SLC16A7: variants seen among roughly 807,000 people sequenced by gnomAD.
SLC16A7 encodes the protein monocarboxylate transporter 2.
SLC16A7 carries 33 observed loss-of-function variants against 34.9 expected under a neutral mutation model. The ratio of observed to expected loss-of-function variants is 0.94; its 90% confidence interval spans 0.72 to 1.26. SLC16A7 has a LOEUF of 1.26. Among genes scored for constraint, SLC16A7 ranks in the 50% most tolerant of loss-of-function variants. SLC16A7 has a pLI of 0.00. For synonymous variants in SLC16A7, 201 were observed against 206.6 expected (o/e 0.97, Z 0.23); for missense variants, 573 against 578.1 (o/e 0.99, Z 0.09).
intron 3 of SLC16A7, among the ~76,000 whole-genome samples, chr12:59,751,024 A>G (rs1879469317): frequency 6.9e-6 from 1 of 144,284 alleles, no homozygotes; most frequent in South Asian, 2.4e-4. Flanking sequence ...GAAAACATGG[A>G]CACAGGGAGG....
chr12:59,720,506 T>A (rs1224654444), intron 3 of SLC16A7, among the ~76,000 whole-genome samples: 3 of 152,134 alleles, frequency 2.0e-5, no homozygotes, highest in African/African-American at 7.2e-5. Flanking sequence ...CCATCCCTTC[T>A]AAATTTTAGT....
At chr12:59,678,714 C>T (rs749043874) in intron 2 of SLC16A7, among the ~76,000 whole-genome samples, 2 of 152,220 alleles carry the variant, frequency 1.3e-5, no homozygotes, top group South Asian at 2.1e-4. Flanking sequence ...CAGCCTGGCC[C>T]CCAAGCTTTA....
At position 59,784,719 on chromosome 12, in the gene SLC16A7, G is replaced by C. The variant is rs751820862; in HGVS notation, c.*5040G>C. 1.3e-5 allele frequency: 2 copies of C among 152,072 alleles called. No individual in the cohort carries two copies. 9.4% of individuals were successfully genotyped at this position (152,072 alleles called of 1,614,324 possible). ...TATTCAAATAGTGCACTTGCAAGGC[G>C]CTGCATTCTTCTCAAAGTCAGCCAT... On this transcript the variant is annotated 3_prime_UTR_variant, in exon 6 of 6. Coordinates refer to ENST00000547379, the MANE Select transcript of SLC16A7 (RefSeq NM_001270623.2).
chr12:59,785,054 A>G lies in SLC16A7; in HGVS notation c.*5375A>G, dbSNP rs1346008119. ...TTGACTTTACTCATCTCTCTTTAAG[A>G]TTTTGATTTCTGCACAACCATATGC... On this transcript the variant is annotated 3_prime_UTR_variant, in exon 6 of 6. Transcript: ENST00000547379. 5.3e-5 allele frequency: 8 copies of G among 152,190 alleles called. No homozygotes were observed. Among genetic ancestry groups the G allele is most frequent in the Non-Finnish European group, 1.2e-4 (8 of 68,018 alleles). 9.4% of individuals were successfully genotyped at this position (152,190 alleles called of 1,614,324 possible).
At position 59,783,460 on chromosome 12, in the gene SLC16A7, C is replaced by T. The variant is rs568314149; in HGVS notation, c.*3781C>T. ...AGGTTTACGTAACCAGAAAGATCCCCGAGGTGTTCACTACCGTGCTGCCTC... is the reference window on the plus strand; with the variant it reads ...AGGTTTACGTAACCAGAAAGATCCCTGAGGTGTTCACTACCGTGCTGCCTC... On this transcript the variant is annotated 3_prime_UTR_variant, in exon 6 of 6. Coordinates refer to ENST00000547379, the MANE Select transcript of SLC16A7 (RefSeq NM_001270623.2). 8 of 152,122 alleles carry T rather than the reference C, an allele frequency of 5.3e-5. No individual in the cohort carries two copies. In the South Asian group the frequency reaches 1.7e-3, roughly 32 times the overall value. The allele number at this position is 152,122 out of a possible 1,614,324, so 9.4% of individuals were successfully genotyped here. A position where few individuals can be genotyped will look rare whatever the true frequency, so the allele number is the denominator to read the frequency against.
Position 59,640,016 on chromosome 12 carries a change from A to T in SLC16A7, c.-129-15136A>T, listed in dbSNP as rs78449257. ...AACAGCTCGCAGAACTCAAGGGAAC[A>T]TTTTCTTATAGTTACCAGTTTATTA... On this transcript the variant is annotated intron_variant, in intron 1 of 5. Transcript: ENST00000547379. Among the ~76,000 whole-genome samples the T allele has an allele frequency of 3.5e-3, 533 of 152,234 alleles. 5 individuals are homozygous for T. Among genetic ancestry groups the T allele is most frequent in the South Asian group, 0.014 (69 of 4,822 alleles).
chr12:59,740,098 T>G (rs1396174401), intron 3 of SLC16A7, among the ~76,000 whole-genome samples: 1 of 151,548 alleles, frequency 6.6e-6, no homozygotes, highest in Non-Finnish European at 1.5e-5. Context: ...CTTTTGGTGT[T>G]TTAGACATGA....
At chr12:59,647,518 C>T (rs576657706) in intron 1 of SLC16A7, among the ~76,000 whole-genome samples, 1 of 152,238 alleles carries the variant, frequency 6.6e-6, no homozygotes, top group South Asian at 2.1e-4. Flanking sequence ...ATAAATTATC[C>T]TGTCTCAGGT....
At chr12:59,761,344 C>T (rs1421602682) in intron 3 of SLC16A7, 4 of 318,530 alleles carry the variant, frequency 1.3e-5, no homozygotes, top group South Asian at 2.7e-5. Flanking sequence ...GGTAAATGTA[C>T]TACTTAAGTT....
intron 1 of SLC16A7, among the ~76,000 whole-genome samples, chr12:59,628,246 T>A (rs1277932293): frequency 6.6e-6 from 1 of 151,884 alleles, no homozygotes; most frequent in East Asian, 1.9e-4. Context: ...CTATTTGTTG[T>A]TTTCATCCTT....
chr12:59,617,312 G>A (rs1055535039), intron 1 of SLC16A7, among the ~76,000 whole-genome samples: 5 of 151,846 alleles, frequency 3.3e-5, no homozygotes, highest in African/African-American at 1.2e-4. Context: ...TATTGGACAG[G>A]CACTAGGCTC....
intron 3 of SLC16A7, among the ~76,000 whole-genome samples, chr12:59,751,069 G>A (rs1879481081): frequency 6.6e-6 from 1 of 152,086 alleles, no homozygotes; most frequent in African/African-American, 2.4e-5. Context: ...CGGGGGGCGG[G>A]GGGCTAGGGG....
chr12:59,761,806 A>G (rs566069956), intron 3 of SLC16A7, among the ~76,000 whole-genome samples: 2 of 152,188 alleles, frequency 1.3e-5, no homozygotes, highest in East Asian at 3.9e-4. Context: ...TTGTTTTCAC[A>G]TATTTATCTA....
intron 1 of SLC16A7, among the ~76,000 whole-genome samples, chr12:59,619,560 C>T (rs562835510): frequency 2.6e-5 from 4 of 151,974 alleles, no homozygotes; most frequent in African/African-American, 7.2e-5. Context: ...ACATTCACAC[C>T]AGAAAGGCAG....
chr12:59,770,600 A>G (rs888927106), intron 3 of SLC16A7, among the ~76,000 whole-genome samples: 2 of 152,202 alleles, frequency 1.3e-5, no homozygotes, highest in Admixed American at 1.3e-4. Flanking sequence ...AGTCCATGAT[A>G]ACAACATTAC....
At chr12:59,663,352 C>G (rs1029238797) in intron 2 of SLC16A7, among the ~76,000 whole-genome samples, 1 of 140,434 alleles carries the variant, frequency 7.1e-6, no homozygotes, top group African/African-American at 2.8e-5. Flanking sequence ...GTCTTATTTT[C>G]ATATTATCAA....
intron 1 of SLC16A7, among the ~76,000 whole-genome samples, chr12:59,613,793 T>C (rs1879312153): frequency 1.3e-5 from 2 of 152,184 alleles, no homozygotes; most frequent in South Asian, 4.1e-4. Flanking sequence ...CAATCAATAT[T>C]TAAGTTGTAA....
intron 3 of SLC16A7, among the ~76,000 whole-genome samples, chr12:59,764,596 C>T (rs1009691653): frequency 1.1e-4 from 16 of 150,590 alleles, no homozygotes; most frequent in Non-Finnish European, 1.9e-4. Context: ...GGTTTTTTGT[C>T]CTTGCGATAG....
intron 2 of SLC16A7, among the ~76,000 whole-genome samples, chr12:59,698,751 T>G (rs1872577173): frequency 6.6e-6 from 1 of 151,652 alleles, no homozygotes; most frequent in African/African-American, 2.4e-5. Flanking sequence ...AGTAATGGAG[T>G]ACTCTGTAGA....
Sources: gnomAD v4.1 joint callset for allele counts (sites outside exome capture counted in the v4.1 genomes callset) on GRCh38, gnomAD v4.1.1 for gene constraint, MANE v1.5 for transcripts, NCBI Gene and HGNC (gene_info 2026-07-23, HGNC 2026-07-21) for gene names.